ATP8B4: variants seen among roughly 807,000 people sequenced by gnomAD.
The protein encoded by ATP8B4 is ATPase phospholipid transporting 8B4 (putative), also known as probable phospholipid-transporting ATPase IM.
A neutral mutation model predicts 145.6 loss-of-function variants in ATP8B4; 133 were observed. The ratio of observed to expected loss-of-function variants is 0.91; its 90% CI spans 0.79 to 1.05. The LOEUF (loss-of-function observed/expected upper bound fraction) is 1.05, where lower values mean the gene tolerates loss of function less well. ATP8B4 is among the 50% of genes least tolerant of loss of function. The pLI, the probability that ATP8B4 is intolerant of heterozygous loss-of-function variation, is 0.00. For missense variants in ATP8B4, 1,458 were observed against 1,425.2 expected, an observed-to-expected ratio of 1.02 and a Z score of -0.37; for synonymous variants, 507 against 492.9, an observed-to-expected ratio of 1.03 and a Z score of -0.38.
chr15:49,931,830 A>T (rs2041284848), intron 15 of ATP8B4, among the ~76,000 whole-genome samples: 1 of 152,012 alleles, frequency 6.6e-6, no homozygotes, highest in South Asian at 2.1e-4. Context: ...TCAGTCTGCC[A>T]CTAATGACCA....
At chr15:49,889,581 G>A (rs1197324307) in intron 23 of ATP8B4, among the ~76,000 whole-genome samples, 3 of 152,172 alleles carry the variant, frequency 2.0e-5, no homozygotes, top group Non-Finnish European at 4.4e-5. Flanking sequence ...CCATCCCACA[G>A]GCAGTAATGC....
chr15:50,056,026 G>A (rs956421945), intron 3 of ATP8B4, among the ~76,000 whole-genome samples: 33 of 152,092 alleles, frequency 2.2e-4, no homozygotes, highest in Admixed American at 3.3e-4. Context: ...TTCTACGAAC[G>A]CTGCTGAGGA....
chr15:50,155,440 C>T (rs1206365551), intron 1 of ATP8B4, among the ~76,000 whole-genome samples: 1 of 152,084 alleles, frequency 6.6e-6, no homozygotes, highest in Non-Finnish European at 1.5e-5. Flanking sequence ...ATAAAACTGT[C>T]TGACCAATAA....
intron 7 of ATP8B4, chr15:50,009,388 AG>A (rs1207780549): frequency 6.4e-6 from 1 of 156,974 alleles, no homozygotes; most frequent in Non-Finnish European, 1.4e-5. Context: ...GCAAATCAAT[AG>A]GTGCTTTGCC....
chr15:49,879,643 C>G lies in ATP8B4; in HGVS notation c.2698-184G>C, dbSNP rs116795595. ...GGTGCCTTAATGGGATACTAGATCTCTCTAAACGGCAGTTTCTTTATCTCT... is the reference window on the plus strand; with the variant it reads ...GGTGCCTTAATGGGATACTAGATCTGTCTAAACGGCAGTTTCTTTATCTCT... On this transcript the variant is annotated intron_variant, in intron 23 of 27. Transcript: ENST00000284509. 3.1e-3 allele frequency: 1,702 copies of G among 557,396 alleles called. 27 individuals are homozygous for G. Among genetic ancestry groups the G allele is most frequent in the African/African-American group, 0.027 (1,395 of 51,562 alleles). 34.5% of individuals were successfully genotyped at this position (557,396 alleles called of 1,614,324 possible).
intron 6 of ATP8B4, among the ~76,000 whole-genome samples, chr15:50,032,000 T>C (rs2050480320): frequency 6.6e-6 from 1 of 152,238 alleles, no homozygotes; most frequent in African/African-American, 2.4e-5. Context: ...GATTTACATG[T>C]ATTATACTTT....
In ATP8B4 at chr15:49,898,101, C is replaced by A; in HGVS notation, c.2440G>T (p.Gly814Cys). Residue 814 changes from glycine (G) to cysteine (C), a missense_variant, in exon 22 of 28, where the codon GGT (glycine) becomes TGT (cysteine). By Grantham distance (159) the Gly-to-Cys change is radical. Coordinates refer to ENST00000284509, the MANE Select transcript of ATP8B4 (RefSeq NM_024837.4). ...KYRNAVTLAI[G>C]DGANDVSMIK... ...ATGCTGACATCATTGGCTCCATCAC[C>A]AATGGCCAAAGTAACAGCATTTCTG... is the stretch of plus-strand genomic sequence containing the variant. 1 of 1,613,866 alleles carries A rather than the reference C, an allele frequency of 6.2e-7. No individual in the cohort carries two copies. The highest frequency in any genetic ancestry group is 8.5e-7 in the Non-Finnish European group (1 of 1,179,846).
At chr15:50,041,570 T>A (rs747734328) in intron 5 of ATP8B4, among the ~76,000 whole-genome samples, 18 of 152,192 alleles carry the variant, frequency 1.2e-4, no homozygotes, top group Non-Finnish European at 2.1e-4. Context: ...CTCACAGGAA[T>A]CAGTAAACTC....
In ATP8B4 at chr15:49,859,808, G is replaced by T. The variant is rs1190129590; in HGVS notation, c.*386C>A. On this transcript the variant is annotated 3_prime_UTR_variant, in exon 28 of 28. Coordinates refer to ENST00000284509, the MANE Select transcript of ATP8B4 (RefSeq NM_024837.4). The stretch of plus-strand genomic sequence containing the variant: ...TGTCAATAGGCATGCTTTTCAGCTT[G>T]GATATATACCTTTAAAATGCACCCT... The T allele has an allele frequency of 5.6e-6, 1 of 178,174 alleles. No individual in the cohort carries two copies. Among genetic ancestry groups the T allele is most frequent in the East Asian group, 1.6e-4 (1 of 6,412 alleles). The allele number at this position is 178,174 out of a possible 1,614,324, so 11.0% of individuals were successfully genotyped here.
intron 23 of ATP8B4, chr15:49,879,693 G>A (rs1005105746): frequency 2.4e-6 from 1 of 416,568 alleles, no homozygotes; most frequent in Non-Finnish European, 4.3e-6. Context: ...CCTTCCTGCA[G>A]TGTGGCAGTG....
rs1599880620 is a variant in ATP8B4 at position 50,025,707 on chromosome 15, C to G, written c.362+13061G>C. 2.0e-5 allele frequency among the ~76,000 whole-genome samples: 3 copies of G among 152,362 alleles called. 1 individual carries two copies. In the East Asian group the frequency reaches 5.8e-4, roughly 29 times the overall value. On this transcript the variant is annotated intron_variant, in intron 6 of 27. Coordinates refer to ENST00000284509, the MANE Select transcript of ATP8B4 (RefSeq NM_024837.4). Reference sequence around the variant, plus strand: ...ATTTGCCTTGGTTTGTAATTATACACTACTTAGCATGGCTATTTTATTATC... The same window carrying G: ...ATTTGCCTTGGTTTGTAATTATACAGTACTTAGCATGGCTATTTTATTATC...
At chr15:49,863,534 T>C (rs1250779670) in intron 26 of ATP8B4, among the ~76,000 whole-genome samples, 1 of 152,132 alleles carries the variant, frequency 6.6e-6, no homozygotes, top group Non-Finnish European at 1.5e-5. Context: ...GTTATCCAGG[T>C]CCCCTATCCC....
At chr15:49,969,216 T>C (rs2044846408) in intron 13 of ATP8B4, among the ~76,000 whole-genome samples, 2 of 152,020 alleles carry the variant, frequency 1.3e-5, no homozygotes, top group Non-Finnish European at 1.5e-5. Context: ...TTAAAATAAC[T>C]AGAGAATAAA....
Position 50,173,027 on chromosome 15 carries a change from C to A in ATP8B4, c.-43+9234G>T, listed in dbSNP as rs1337819859. 1.5e-4 allele frequency among the ~76,000 whole-genome samples: 19 copies of A among 124,294 alleles called. No individual in the cohort carries two copies. In the South Asian group the frequency reaches 4.6e-3, roughly 30 times the overall value. The allele number at this position is 124,294 out of a possible 152,430, so 81.5% of individuals were successfully genotyped here. On this transcript the variant is annotated intron_variant, in intron 1 of 3. Coordinates refer to the ATP8B4 transcript ENST00000558829. ...CGGGAGGTGGGGGGCAGCCCCCATCCGGGAGGTGGGGGCAGCCTCCGCCCG... is the reference window on the plus strand; with the variant it reads ...CGGGAGGTGGGGGGCAGCCCCCATCAGGGAGGTGGGGGCAGCCTCCGCCCG...
In ATP8B4 at chr15:49,860,218, G is replaced by A; in HGVS notation, c.3555C>T (p.Ser1185=). ...CTCACAGTTTCACTGTTTTATCCTG[G>A]CTAAAGCTGCTCACGGTGTCTGTGG... is the stretch of plus-strand genomic sequence containing the variant. ...KKTTDTVSSF[S]QDKTVKL The change falls in exon 28 of 28, where the codon AGC becomes AGT. Residue 1185 remains serine (S), a synonymous_variant. Transcript: ENST00000284509. The A allele has an allele frequency of 6.2e-7, 1 of 1,613,792 alleles. No individual in the cohort carries two copies. The highest frequency in any genetic ancestry group is 8.5e-7 in the Non-Finnish European group (1 of 1,179,880).
intron 14 of ATP8B4, among the ~76,000 whole-genome samples, chr15:49,960,081 G>A (rs2043934911): frequency 6.7e-6 from 1 of 148,940 alleles, no homozygotes; most frequent in African/African-American, 2.5e-5. Context: ...AGTCTGGAGT[G>A]CAGTGGCGAG....
chr15:50,061,029 T>TGGATTC (rs1258854966), intron 3 of ATP8B4, among the ~76,000 whole-genome samples: 1 of 152,196 alleles, frequency 6.6e-6, no homozygotes, highest in East Asian at 1.9e-4. Flanking sequence ...TAGGAGGTAC[T>TGGATTC]GGATTCCCCC....
At chr15:49,928,562 G>A (rs952104691) in intron 16 of ATP8B4, among the ~76,000 whole-genome samples, 4 of 152,044 alleles carry the variant, frequency 2.6e-5, no homozygotes, top group African/African-American at 9.7e-5. Context: ...TAAGTAGGGG[G>A]TAGTAAAATC....
At chr15:49,895,893 T>A (rs2037343857) in intron 23 of ATP8B4, 1 of 151,988 alleles carries the variant, frequency 6.6e-6, no homozygotes, top group Admixed American at 6.6e-5. Context: ...GTTCTAAGAG[T>A]TTTTAAATGG....
Sources: gnomAD v4.1 joint callset for allele counts (sites outside exome capture counted in the v4.1 genomes callset) on GRCh38, gnomAD v4.1.1 for gene constraint, MANE v1.5 for transcripts, NCBI Gene and HGNC (gene_info 2026-07-23, HGNC 2026-07-21) for gene names.